The following CDK13 variants were observed in gnomAD, a reference collection of about 807,000 sequenced individuals.
The protein encoded by CDK13 is cyclin dependent kinase 13, also known as cyclin-dependent kinase 13.
In CDK13, 40 loss-of-function variants were observed where a neutral mutation model predicts 137.6. The observed-to-expected ratio is 0.29, with a 90% confidence interval of 0.23 to 0.38. The LOEUF is 0.38. Among genes scored for constraint, CDK13 ranks in the 10% least tolerant of loss-of-function variants. The pLI is 1.00. For missense variants in CDK13, 1,704 were observed against 1,951.8 expected (o/e 0.87, Z 2.39); for synonymous variants, 869 against 760.1 (o/e 1.14, Z -2.36).
At position 40,092,889 on chromosome 7, in the gene CDK13, T is replaced by C; in HGVS notation, c.3340T>C (p.Leu1114=). Reference sequence around the variant, plus strand: ...TAATATGGCTGATTTTGTCCAAGTGTTGAACATTAAGGTAAACTCTGAGAC... The same window carrying C: ...TAATATGGCTGATTTTGTCCAAGTGCTGAACATTAAGGTAAACTCTGAGAC... ...SVNMADFVQV[L]NIKVNSETQQ... is the part of the protein sequence containing the mutation. The change falls in exon 13 of 14, where the codon TTG becomes CTG. Residue 1114 remains leucine, a synonymous_variant. Transcript: ENST00000181839. 1 of 1,614,154 alleles carries C rather than the reference T, an allele frequency of 6.2e-7. No individual in the cohort carries two copies. Among genetic ancestry groups the C allele is most frequent in the Non-Finnish European group, 8.5e-7 (1 of 1,180,012 alleles).
rs72210233 is a variant in CDK13, at chr7:39,996,961, C to CAAAAAAAAAAAAAAAA, written c.1872-518_1872-517insAAAAAAAAAAAAAAAA. Among the ~76,000 whole-genome samples the CAAAAAAAAAAAAAAAA allele has an allele frequency of 1.4e-4, 12 of 83,240 alleles. 1 individual carries two copies. Among genetic ancestry groups the CAAAAAAAAAAAAAAAA allele is most frequent in the African/African-American group, 9.4e-4 (12 of 12,730 alleles). The allele number at this position is 83,240 out of a possible 152,430, so 54.6% of individuals were successfully genotyped here. A position where few individuals can be genotyped will look rare whatever the true frequency, so the allele number is the denominator to read the frequency against. On this transcript the variant is annotated intron_variant, in intron 2 of 13. Coordinates refer to ENST00000181839, the MANE Select transcript of CDK13 (RefSeq NM_003718.5). The stretch of plus-strand genomic sequence containing the variant: ...CTTGGGTGACAGTGAGATTCCATCT[C>CAAAAAAAAAAAAAAAA]AAAAAAAAAAAAAAAGAAAAAAAAA...
At position 40,000,980 on chromosome 7, in the gene CDK13, G is replaced by A. The variant is rs563727843; in HGVS notation, c.2183-881G>A. Among the ~76,000 whole-genome samples, 12 of 152,152 alleles carry A rather than the reference G, an allele frequency of 7.9e-5. No homozygotes were observed. In the South Asian group the frequency reaches 2.1e-3, roughly 26 times the overall value. On this transcript the variant is annotated intron_variant, in intron 4 of 13. Coordinates refer to ENST00000181839, the MANE Select transcript of CDK13 (RefSeq NM_003718.5). ...ATTATGTGGCAATTTAGTGTAGTGGGGAAGAACATATATTTTTGAGACAAG... is the reference window on the plus strand; with the variant it reads ...ATTATGTGGCAATTTAGTGTAGTGGAGAAGAACATATATTTTTGAGACAAG...
Position 39,951,534 on chromosome 7 carries a change from A to T in CDK13, c.893A>T (p.Lys298Met), listed in dbSNP as rs1359806024. The change falls in exon 1 of 14, where the codon AAG (lysine) becomes ATG (methionine). Residue 298 changes from lysine (K) to methionine (M), a missense_variant. By Grantham distance (95) the Lys-to-Met change is moderately conservative. Around this residue, in one of 5 missense-constraint regions of CDK13, gnomAD observed 1,051 missense variants for 931.0 expected, o/e 1.13. Transcript: ENST00000181839. ...EPPSAYKEPPKAYREDKTEPK... is the reference protein window; with the variant it reads ...EPPSAYKEPPMAYREDKTEPK... The stretch of plus-strand genomic sequence containing the variant: ...CCTTCGGCCTACAAGGAACCGCCCA[A>T]GGCCTACCGGGAGGACAAGACCGAG... 1.1e-5 allele frequency: 17 copies of T among 1,536,164 alleles called. No homozygotes were observed. In the Admixed American group the frequency reaches 3.5e-4, roughly 32 times the overall value.
rs1461700059 is a variant in CDK13 at position 40,081,566 on chromosome 7, A to G, written c.3029+2715A>G. On this transcript the variant is annotated intron_variant, in intron 11 of 13. Transcript: ENST00000181839. ...AAAGTATTTTATTGATTACTGTATC[A>G]TATATTTTAAAAAACAAATACATGT... is the stretch of plus-strand genomic sequence containing the variant. Among the ~76,000 whole-genome samples, 5 of 152,332 alleles carry G rather than the reference A, an allele frequency of 3.3e-5. No homozygotes were observed. In the East Asian group the frequency reaches 9.6e-4, roughly 29 times the overall value.
chr7:40,060,454 T>C (rs1452538562), intron 7 of CDK13, among the ~76,000 whole-genome samples: 2 of 152,198 alleles, frequency 1.3e-5, no homozygotes, highest in Non-Finnish European at 2.9e-5. Context: ...GTCATAATTT[T>C]TACAAATTTT....
intron 9 of CDK13, among the ~76,000 whole-genome samples, chr7:40,063,351 A>C (rs911512685): frequency 6.6e-6 from 1 of 152,146 alleles, no homozygotes; most frequent in Non-Finnish European, 1.5e-5. Context: ...GCGTTTTTTT[A>C]AGTCAAAGGA....
At chr7:39,972,928 A>G (rs1163882615) in intron 1 of CDK13, among the ~76,000 whole-genome samples, 1 of 152,160 alleles carries the variant, frequency 6.6e-6, no homozygotes, top group Non-Finnish European at 1.5e-5. Flanking sequence ...GCAACATATG[A>G]GGGTTCCAGT....
At position 39,951,596 on chromosome 7, in the gene CDK13, C is replaced by G; in HGVS notation, c.955C>G (p.Leu319Val). 6.7e-7 allele frequency: 1 copy of G among 1,491,404 alleles called. No individual in the cohort carries two copies. Among genetic ancestry groups the G allele is most frequent in the South Asian group, 1.3e-5 (1 of 76,538 alleles). The allele number at this position is 1,491,404 out of a possible 1,614,324, so 92.4% of individuals were successfully genotyped here. ...CAGGCGGCGGCGGTCCCTCAGCCCACTGGGAGGCCGGGACGACAGCCCGGT... is the reference window on the plus strand; with the variant it reads ...CAGGCGGCGGCGGTCCCTCAGCCCAGTGGGAGGCCGGGACGACAGCCCGGT... ...AYRRRRSLSP[L>V]GGRDDSPVSH... Residue 319 changes from leucine to valine, a missense_variant, in exon 1 of 14, where the codon CTG becomes GTG. By Grantham distance (32) the Leu-to-Val change is conservative. Transcript: ENST00000181839.
chr7:40,062,728 G>A, intron 7 of CDK13, 98 bp from the exon 8 acceptor site: 1 of 858,550 alleles, frequency 1.2e-6, no homozygotes, highest in Admixed American at 2.0e-5. Flanking sequence ...TTTTTAGTTA[G>A]GATTATAGGG....
chr7:39,966,649 C>T (rs1418162479), intron 1 of CDK13, among the ~76,000 whole-genome samples: 1 of 152,172 alleles, frequency 6.6e-6, no homozygotes, highest in African/African-American at 2.4e-5. Context: ...TGTTCCGTTG[C>T]TGGTGAGGAG....
intron 2 of CDK13, among the ~76,000 whole-genome samples, chr7:39,991,053 G>A (rs1383652324): frequency 6.6e-6 from 1 of 152,200 alleles, no homozygotes; most frequent in Non-Finnish European, 1.5e-5. Flanking sequence ...TGTAAAAGAG[G>A]AACTATTGGT....
At chr7:39,996,987 A>AAAAAAAAAAAAAAAAAC (rs1562719405) in intron 2 of CDK13, among the ~76,000 whole-genome samples, 1 of 150,938 alleles carries the variant, frequency 6.6e-6, no homozygotes, top group African/African-American at 2.5e-5. Context: ...GAAAAAAAAA[A>AAAAAAAAAAAAAAAAAC]AGAAAAATGC....
At chr7:40,088,548 C>T (rs1786842600) in intron 12 of CDK13, among the ~76,000 whole-genome samples, 1 of 152,178 alleles carries the variant, frequency 6.6e-6, no homozygotes, top group African/African-American at 2.4e-5. Flanking sequence ...ATCAAATTAC[C>T]TGACTGGCAA....
chr7:40,010,933 G>C (rs183661586), intron 5 of CDK13, among the ~76,000 whole-genome samples: 5 of 152,120 alleles, frequency 3.3e-5, no homozygotes, highest in Admixed American at 2.0e-4. Context: ...AAAACATCTA[G>C]AAATAAATTG....
chr7:39,968,036 C>G (rs556071349), intron 1 of CDK13, among the ~76,000 whole-genome samples: 6 of 152,256 alleles, frequency 3.9e-5, no homozygotes, highest in Admixed American at 2.0e-4. Context: ...CAACTGTATT[C>G]CCTCTTTTGA....
At chr7:40,046,482 CA>C (rs1562747367) in intron 6 of CDK13, among the ~76,000 whole-genome samples, 1 of 147,616 alleles carries the variant, frequency 6.8e-6, no homozygotes, top group East Asian at 2.1e-4. Flanking sequence ...CTGTCTCTAC[CA>C]AAAAAATAGA....
intron 5 of CDK13, among the ~76,000 whole-genome samples, chr7:40,040,293 TC>T (rs1474795177): frequency 2.0e-5 from 3 of 152,228 alleles, no homozygotes; most frequent in African/African-American, 7.2e-5. Flanking sequence ...AATTAAAAAG[TC>T]CATCTTTTCC....
intron 11 of CDK13, among the ~76,000 whole-genome samples, chr7:40,084,025 T>G (rs1268594460): frequency 3.3e-5 from 5 of 152,134 alleles, no homozygotes; most frequent in Non-Finnish European, 1.5e-5. Flanking sequence ...AATAATCAAA[T>G]GAGAGAATGG....
chr7:39,974,244 CT>C (rs1784058376), intron 1 of CDK13, among the ~76,000 whole-genome samples: 1 of 140,716 alleles, frequency 7.1e-6, no homozygotes, highest in African/African-American at 2.6e-5. Context: ...TTTTTTTTTT[CT>C]TTTTGAGACA....
Sources: gnomAD v4.1 joint callset for allele counts (sites outside exome capture counted in the v4.1 genomes callset) on GRCh38, gnomAD v4.1.1 for gene constraint, gnomAD v4.1.1 regional missense constraint, MANE v1.5 for transcripts, NCBI Gene and HGNC (gene_info 2026-07-23, HGNC 2026-07-21) for gene names.